The following EEA1 variants were observed in gnomAD, a reference collection of about 807,000 sequenced individuals.
EEA1 encodes early endosome antigen 1, 162kD.
A neutral mutation model predicts 209.2 loss-of-function variants in EEA1; 111 were observed. That is an observed-to-expected ratio of 0.53 (90% CI 0.45 to 0.62). The LOEUF (loss-of-function observed/expected upper bound fraction) is 0.62. Ranked by LOEUF, EEA1 falls within the 20% of genes least tolerant of loss-of-function variation. The probability of loss-of-function intolerance (pLI) is 0.00; values close to 1 mark genes in which losing one functional copy is unlikely to be tolerated. For missense variants in EEA1, 1,343 were observed against 1,530.8 expected (o/e 0.88, Z 2.05); for synonymous variants, 536 against 540.6 (o/e 0.99, Z 0.12).
Position 92,776,787 on chromosome 12 carries a change from TA to T in EEA1, c.4113+56del, listed in dbSNP as rs1592696061. 7 of 1,478,790 alleles carry T rather than the reference TA, an allele frequency of 4.7e-6. No homozygotes were observed. The East Asian group carries it at 1.6e-4, about 34-fold the overall frequency. The allele number at this position is 1,478,790 out of a possible 1,614,324, so 91.6% of individuals were successfully genotyped here. A position where few individuals can be genotyped will look rare whatever the true frequency, so the allele number is the denominator to read the frequency against. On this transcript the variant is annotated intron_variant, in intron 28 of 28. Coordinates refer to ENST00000322349, the MANE Select transcript of EEA1 (RefSeq NM_003566.4). ...AGGACTATTTTGATGGTTAAAACAT[TA>T]ATTATCAGTGACAAATGAAATCCAG...
intron 2 of EEA1, among the ~76,000 whole-genome samples, chr12:92,881,887 T>G (rs140297719): frequency 6.6e-6 from 1 of 152,176 alleles, no homozygotes; most frequent in African/African-American, 2.4e-5. Context: ...TTGAACAGTG[T>G]GGGTCCACTT....
chr12:92,824,387 A>G (rs1441185812), intron 13 of EEA1, among the ~76,000 whole-genome samples: 2 of 152,254 alleles, frequency 1.3e-5, no homozygotes, highest in East Asian at 3.8e-4. Flanking sequence ...CTGTGAAATC[A>G]TAAGTCAAAT....
At chr12:92,804,571 C>CAAA (rs1195692496) in intron 18 of EEA1, among the ~76,000 whole-genome samples, 31 of 47,614 alleles carry the variant, frequency 6.5e-4, no homozygotes, top group African/African-American at 1.4e-3. Flanking sequence ...GACTCTGTCT[C>CAAA]AAAAAAAAAA....
At chr12:92,786,440 C>A (rs1438227455) in intron 22 of EEA1, among the ~76,000 whole-genome samples, 2 of 152,096 alleles carry the variant, frequency 1.3e-5, no homozygotes, top group African/African-American at 4.8e-5. Context: ...CTAATTTTTA[C>A]CTCCAGATAA....
intron 9 of EEA1, among the ~76,000 whole-genome samples, chr12:92,848,256 T>C (rs1230819649): frequency 6.6e-6 from 1 of 151,902 alleles, no homozygotes; most frequent in Non-Finnish European, 1.5e-5. Context: ...TCACCATTTC[T>C]TACAAAGCCC....
chr12:92,781,803 G>A (rs1873914577), intron 23 of EEA1, 147 bp downstream of exon 23: 1 of 581,196 alleles, frequency 1.7e-6, no homozygotes, highest in Non-Finnish European at 2.7e-6. Flanking sequence ...AAATCCCAAT[G>A]ATCAAAAGTG....
At position 92,857,279 on chromosome 12, in the gene EEA1, T is replaced by C. The variant is rs377710816; in HGVS notation, c.362A>G (p.Gln121Arg). The C allele has an allele frequency of 5.1e-6, 8 of 1,583,024 alleles. No homozygotes were observed. The African/African-American group carries it at 6.8e-5, about 14-fold the overall frequency. The change falls in exon 5 of 29, where the codon CAG becomes CGG. Residue 121 changes from glutamine (Q) to arginine (R), a missense_variant. Physicochemically the swap from Gln to Arg is conservative, Grantham distance 43. Transcript: ENST00000322349. ...KELEKYQGLQ[Q>R]QEAKPDGLVT... ...TAAGTAGTTAAAAGCAATTACTTGC[T>C]GCTGCAGCCCTTGATATTTTTCTAA...
At position 92,799,084 on chromosome 12, in the gene EEA1, AGCCTG is replaced by A; in HGVS notation, c.2773-3_2774del. 6.3e-7 allele frequency: 1 copy of A among 1,574,880 alleles called. No homozygotes were observed. The highest frequency in any genetic ancestry group is 8.6e-7 in the Non-Finnish European group (1 of 1,166,422). On this transcript the variant is annotated splice_acceptor_variant and splice_polypyrimidine_tract_variant and coding_sequence_variant and intron_variant, in exon 21 of 29. Transcript: ENST00000322349. LOFTEE classifies it high-confidence loss of function. ...TGAGTTCCAATTTCAACTGATGAGA[AGCCTG>A]AAAGAAAAAAAAAATCTATTTAGCC...
At chr12:92,806,322 C>T (rs1231142680) in intron 18 of EEA1, among the ~76,000 whole-genome samples, 1 of 152,096 alleles carries the variant, frequency 6.6e-6, no homozygotes, top group Non-Finnish European at 1.5e-5. Context: ...AACACTACTA[C>T]AGATCCTAAC....
chr12:92,881,312 C>T (rs149667475), intron 2 of EEA1, among the ~76,000 whole-genome samples: 15 of 152,086 alleles, frequency 9.9e-5, no homozygotes, highest in African/African-American at 3.1e-4. Flanking sequence ...CTACTCTACT[C>T]GGGAGGCAGT....
chr12:92,819,257 T>A lies in EEA1; in HGVS notation c.1728+51A>T, dbSNP rs767432875. ...ATTTAAATAAAGCACTTAGTAAGAC[T>A]TAGAGAGACAGAAGTAAATTTTACA... On this transcript the variant is annotated intron_variant, in intron 14 of 28. Coordinates refer to ENST00000322349, the MANE Select transcript of EEA1 (RefSeq NM_003566.4). The A allele has an allele frequency of 3.5e-6, 5 of 1,433,054 alleles. No individual in the cohort carries two copies. The South Asian group carries it at 6.8e-5, about 19-fold the overall frequency. 88.8% of individuals were successfully genotyped at this position (1,433,054 alleles called of 1,614,324 possible). A position where few individuals can be genotyped will look rare whatever the true frequency, so the allele number is the denominator to read the frequency against.
Position 92,771,830 on chromosome 12 carries a change from A to G in EEA1, c.*4181T>C, listed in dbSNP as rs1387232114. ...AGCAACCACAGACTTACATGTATAAAGGTAGTTTTCTCCCTCTGAATCTCA... is the reference window on the plus strand; with the variant it reads ...AGCAACCACAGACTTACATGTATAAGGGTAGTTTTCTCCCTCTGAATCTCA... On this transcript the variant is annotated 3_prime_UTR_variant, in exon 29 of 29. Transcript: ENST00000322349. 2.6e-5 allele frequency: 4 copies of G among 152,026 alleles called. No individual in the cohort carries two copies. Among genetic ancestry groups the G allele is most frequent in the Non-Finnish European group, 5.9e-5 (4 of 67,916 alleles). 9.4% of individuals were successfully genotyped at this position (152,026 alleles called of 1,614,324 possible).
intron 2 of EEA1, among the ~76,000 whole-genome samples, chr12:92,876,366 A>G (rs1438829068): frequency 6.6e-6 from 1 of 152,090 alleles, no homozygotes; most frequent in Non-Finnish European, 1.5e-5. Flanking sequence ...CCTGGCCAAT[A>G]CATGTTTAGT....
chr12:92,798,783 T>C, intron 21 of EEA1, 109 bp downstream of exon 21: 1 of 754,490 alleles, frequency 1.3e-6, no homozygotes, highest in Non-Finnish European at 2.0e-6. Flanking sequence ...AAAAATTAGC[T>C]TATGTAAACT....
At chr12:92,901,615 G>C (rs1164181546) in intron 1 of EEA1, among the ~76,000 whole-genome samples, 3 of 150,088 alleles carry the variant, frequency 2.0e-5, no homozygotes, top group Non-Finnish European at 4.4e-5. Flanking sequence ...TTGCCCAAGC[G>C]GGAGTGCAAT....
chr12:92,887,194 A>G (rs1879451146), intron 2 of EEA1, among the ~76,000 whole-genome samples: 1 of 151,998 alleles, frequency 6.6e-6, no homozygotes, highest in African/African-American at 2.4e-5. Context: ...AGGATATAAA[A>G]TATAAAACAG....
intron 23 of EEA1, among the ~76,000 whole-genome samples, chr12:92,780,882 T>C (rs965619857): frequency 6.6e-6 from 1 of 152,132 alleles, no homozygotes; most frequent in African/African-American, 2.4e-5. Flanking sequence ...GATCTAAAGC[T>C]CACACAACTA....
intron 1 of EEA1, among the ~76,000 whole-genome samples, chr12:92,924,135 GA>G (rs1162812630): frequency 7.3e-6 from 1 of 136,274 alleles, no homozygotes; most frequent in Non-Finnish European, 1.6e-5. Context: ...AAAAAAATAA[GA>G]AAAGAAAGTT....
At chr12:92,905,982 C>T (rs1228718809) in intron 1 of EEA1, among the ~76,000 whole-genome samples, 1 of 152,060 alleles carries the variant, frequency 6.6e-6, no homozygotes, top group Non-Finnish European at 1.5e-5. Context: ...CATGGCTCAT[C>T]GTAGCCTCAA....
Sources: allele counts gnomAD v4.1 joint callset (sites outside exome capture counted in the v4.1 genomes callset), GRCh38; gene constraint gnomAD v4.1.1; transcripts MANE v1.5; gene names NCBI Gene and HGNC (gene_info 2026-07-23, HGNC 2026-07-21).